The following CDH4 variants were observed in gnomAD, a reference collection of about 807,000 sequenced individuals.
CDH4 encodes the protein cadherin 4, also known as cadherin-4.
Under a neutral mutation model 86.0 loss-of-function variants are expected in CDH4, and 33 were observed. The ratio of observed to expected loss-of-function variants is 0.38; its 90% CI spans 0.29 to 0.51. The LOEUF (loss-of-function observed/expected upper bound fraction) is 0.51, where lower values mean the gene tolerates loss of function less well. Ranked by LOEUF, CDH4 falls within the 20% of genes least tolerant of loss-of-function variation. CDH4 has a pLI of 0.86. For synonymous variants in CDH4, 555 were observed against 549.4 expected (o/e 1.01, Z -0.14); for missense variants, 1,114 against 1,307.4 (o/e 0.85, Z 2.28).
intron 4 of CDH4, among the ~76,000 whole-genome samples, chr20:61,779,808 G>A (rs962636197): frequency 2.0e-5 from 3 of 152,226 alleles, no homozygotes; most frequent in Admixed American, 1.3e-4. Flanking sequence ...CCAAGGTGCC[G>A]GAGACCCCTC....
At chr20:61,593,717 T>C (rs2086533896) in intron 2 of CDH4, among the ~76,000 whole-genome samples, 1 of 152,114 alleles carries the variant, frequency 6.6e-6, no homozygotes, top group African/African-American at 2.4e-5. Flanking sequence ...GAAGTCCTCA[T>C]GCCTCCATTC....
intron 2 of CDH4, among the ~76,000 whole-genome samples, chr20:61,413,000 C>T (rs1453378047): frequency 2.6e-5 from 4 of 152,126 alleles, no homozygotes; most frequent in East Asian, 3.9e-4. Context: ...TCTGCCTCTG[C>T]GAAATAGTCC....
rs536230923 is a variant in CDH4 at position 61,277,404 on chromosome 20, G to A, written c.169+22467G>A. Among the ~76,000 whole-genome samples, 6 of 152,278 alleles carry A rather than the reference G, an allele frequency of 3.9e-5. No homozygotes were observed. In the East Asian group the frequency reaches 1.2e-3, roughly 29 times the overall value. On this transcript the variant is annotated intron_variant, in intron 2 of 15. Transcript: ENST00000614565. ...GTGTATGCATGTGTTAGATAGCAGC[G>A]AGAGAAGTGTGAGGGGTGTGTATGA...
Position 61,787,535 on chromosome 20 carries a change from A to G in CDH4, c.576+14353A>G, listed in dbSNP as rs148091433. ...ACACAGAGGGATTATGGGAACTACA[A>G]TTCAAGATGATATTTGGGTGGGGCC... On this transcript the variant is annotated intron_variant, in intron 4 of 15. Transcript: ENST00000614565. 4.6e-4 allele frequency among the ~76,000 whole-genome samples: 70 copies of G among 152,304 alleles called. 2 individuals are homozygous for G. In the East Asian group the frequency reaches 0.013, roughly 29 times the overall value.
intron 2 of CDH4, among the ~76,000 whole-genome samples, chr20:61,285,788 T>C (rs2084290007): frequency 1.3e-5 from 2 of 152,254 alleles, no homozygotes; most frequent in South Asian, 4.1e-4. Context: ...ATGTCAATGT[T>C]CTGCCTCATT....
At chr20:61,655,832 C>T (rs1389814980) in intron 2 of CDH4, among the ~76,000 whole-genome samples, 1 of 152,242 alleles carries the variant, frequency 6.6e-6, no homozygotes, top group Non-Finnish European at 1.5e-5. Context: ...CCTGTATCAC[C>T]TGCATGCAGT....
At chr20:61,915,177 C>A (rs920009947) in intron 9 of CDH4, among the ~76,000 whole-genome samples, 1 of 152,230 alleles carries the variant, frequency 6.6e-6, no homozygotes, top group African/African-American at 2.4e-5. Context: ...GGGGCTGGAA[C>A]CTGCTACCTC....
intron 2 of CDH4, among the ~76,000 whole-genome samples, chr20:61,319,990 C>A (rs1174688573): frequency 6.6e-6 from 1 of 151,812 alleles, no homozygotes; most frequent in Non-Finnish European, 1.5e-5. Flanking sequence ...TTCTGAAGAT[C>A]CACTGCAGAA....
At chr20:61,759,134 C>T (rs2088602359) in intron 3 of CDH4, among the ~76,000 whole-genome samples, 1 of 152,242 alleles carries the variant, frequency 6.6e-6, no homozygotes, top group African/African-American at 2.4e-5. Flanking sequence ...CTGTTCAGAG[C>T]CCCCCAAGCA....
intron 2 of CDH4, among the ~76,000 whole-genome samples, chr20:61,520,516 C>A (rs1019743230): frequency 1.3e-5 from 2 of 152,212 alleles, no homozygotes; most frequent in African/African-American, 4.8e-5. Flanking sequence ...GTCAGGCCAG[C>A]GCTTAGCACG....
chr20:61,935,437 C>T (rs562108546), intron 15 of CDH4, among the ~76,000 whole-genome samples: 16 of 151,898 alleles, frequency 1.1e-4, no homozygotes, highest in Non-Finnish European at 1.5e-4. Context: ...AACGTTTGCC[C>T]TGCCCAGTCT....
At chr20:61,596,446 T>G (rs2086558077) in intron 2 of CDH4, among the ~76,000 whole-genome samples, 1 of 152,164 alleles carries the variant, frequency 6.6e-6, no homozygotes, top group Non-Finnish European at 1.5e-5. Flanking sequence ...CCCTGCACAC[T>G]GCTGGGTGCA....
At chr20:61,282,547 A>ATGTGTGTGTGTGTG (rs71185912) in intron 2 of CDH4, among the ~76,000 whole-genome samples, 35 of 130,222 alleles carry the variant, frequency 2.7e-4, no homozygotes, top group African/African-American at 8.1e-4. Context: ...GTGTGTGTGC[A>ATGTGTGTGTGTGTG]TGTGTGTGTG....
intron 2 of CDH4, among the ~76,000 whole-genome samples, chr20:61,702,455 C>T (rs1475658146): frequency 6.6e-6 from 1 of 152,192 alleles, no homozygotes; most frequent in Non-Finnish European, 1.5e-5. Context: ...GGGCCACCCT[C>T]CCAAACGCAG....
Position 61,929,772 on chromosome 20 carries a change from C to G in CDH4, c.2169C>G (p.Gly723=), listed in dbSNP as rs373101937. Residue 723 remains glycine, a synonymous_variant, in exon 13 of 16, where the codon GGC becomes GGG. Transcript: ENST00000614565. The part of the protein sequence containing the change: ...CDDNGDCTTI[G]AVAAAGLGTG... ...ACAACGGGGACTGCACCACCATTGG[C>G]GCAGTGGCAGCGGCTGGTCTGGGCA... 8.7e-6 allele frequency: 14 copies of G among 1,614,004 alleles called. No homozygotes were observed. Among genetic ancestry groups the G allele is most frequent in the Admixed American group, 1.7e-5 (1 of 60,010 alleles).
chr20:61,599,534 A>G (rs2086581830), intron 2 of CDH4, among the ~76,000 whole-genome samples: 1 of 152,170 alleles, frequency 6.6e-6, no homozygotes, highest in Non-Finnish European at 1.5e-5. Context: ...CAGCAAGGGG[A>G]TACGTGGAAG....
chr20:61,274,574 C>T (rs1430885531), intron 2 of CDH4, among the ~76,000 whole-genome samples: 27 of 13,634 alleles, frequency 2.0e-3, no homozygotes, highest in South Asian at 4.4e-3. Flanking sequence ...CCGTGCACAG[C>T]TTGGGGGAGT....
intron 8 of CDH4, among the ~76,000 whole-genome samples, chr20:61,896,364 G>A (rs532924165): frequency 1.8e-4 from 27 of 152,348 alleles, no homozygotes; most frequent in African/African-American, 5.5e-4. Context: ...CACAGCGGCC[G>A]TCCCGCATCT....
chr20:61,272,622 T>C (rs2084189087), intron 2 of CDH4, among the ~76,000 whole-genome samples: 1 of 152,212 alleles, frequency 6.6e-6, no homozygotes, highest in African/African-American at 2.4e-5. Flanking sequence ...TCAGAGGTGA[T>C]AAATGCCCAG....
Sources: allele counts gnomAD v4.1 joint callset (sites outside exome capture counted in the v4.1 genomes callset), GRCh38; gene constraint gnomAD v4.1.1; transcripts MANE v1.5; gene names NCBI Gene and HGNC (gene_info 2026-07-23, HGNC 2026-07-21).